The following ESRRG variants were observed in gnomAD, a reference collection of about 807,000 sequenced individuals.
The protein encoded by ESRRG is estrogen-related receptor gamma.
In ESRRG, 13 loss-of-function variants were observed where a neutral mutation model predicts 44.0. The ratio of observed to expected loss-of-function variants is 0.30; its 90% CI spans 0.19 to 0.47. The LOEUF (loss-of-function observed/expected upper bound fraction) is 0.47, where lower values mean the gene tolerates loss of function less well. ESRRG is among the 20% of genes least tolerant of loss of function. The pLI is 1.00. For missense variants in ESRRG, 395 were observed against 580.6 expected, an observed-to-expected ratio of 0.68 and a Z score of 3.29; for synonymous variants, 215 against 214.6, an observed-to-expected ratio of 1.00 and a Z score of -0.02.
At chr1:216,950,294 C>T (rs575002324) in intron 1 of ESRRG, among the ~76,000 whole-genome samples, 203 of 152,212 alleles carry the variant, frequency 1.3e-3, no homozygotes, top group African/African-American at 4.7e-3. Flanking sequence ...CTAATGAACT[C>T]AAAACTTAAT....
intron 2 of ESRRG, among the ~76,000 whole-genome samples, chr1:216,766,250 T>TAACTCCCTGCATTGGATATTTG (rs1206273402): frequency 6.6e-6 from 1 of 152,110 alleles, no homozygotes; most frequent in Non-Finnish European, 1.5e-5. Flanking sequence ...AAGATGAAGA[T>TAACTCCCTGCATTGGATATTTG]AACTCCCTGC....
At chr1:216,943,082 C>G (rs2149990897) in intron 1 of ESRRG, among the ~76,000 whole-genome samples, 1 of 152,244 alleles carries the variant, frequency 6.6e-6, no homozygotes, top group South Asian at 2.1e-4. Flanking sequence ...TAAGAACCAT[C>G]AAGTGCAGTT....
chr1:216,941,763 GA>G (rs1173991873), intron 1 of ESRRG, among the ~76,000 whole-genome samples: 4 of 152,096 alleles, frequency 2.6e-5, no homozygotes, highest in East Asian at 1.9e-4. Context: ...AGAATGGGGG[GA>G]AAAAGATTGT....
intron 1 of ESRRG, among the ~76,000 whole-genome samples, chr1:217,110,973 C>G (rs2102460534): frequency 6.6e-6 from 1 of 152,328 alleles, no homozygotes; most frequent in South Asian, 2.1e-4. Flanking sequence ...TAATTTCGTA[C>G]TGGTCAGCCC....
Position 216,535,920 on chromosome 1 carries a change from A to G in ESRRG, c.863-16499T>C, listed in dbSNP as rs540179149. Among the ~76,000 whole-genome samples, 4 of 152,100 alleles carry G rather than the reference A, an allele frequency of 2.6e-5. No homozygotes were observed. The South Asian group carries it at 8.3e-4, about 32-fold the overall frequency. On this transcript the variant is annotated intron_variant, in intron 5 of 6. Coordinates refer to ENST00000408911, the MANE Select transcript of ESRRG (RefSeq NM_001438.4). ...TTTGCACTAAATTCATCTCCATTCC[A>G]CTAAAGTCTGGATTGCATCTCAGCT...
chr1:216,665,404 C>T (rs989950592), intron 2 of ESRRG, among the ~76,000 whole-genome samples: 2 of 152,078 alleles, frequency 1.3e-5, no homozygotes, highest in African/African-American at 4.8e-5. Context: ...CATGAATGAA[C>T]TTTGATGATA....
intron 5 of ESRRG, among the ~76,000 whole-genome samples, chr1:216,550,926 G>A (rs923221010): frequency 6.6e-6 from 1 of 152,104 alleles, no homozygotes; most frequent in Non-Finnish European, 1.5e-5. Context: ...CTGGCTCTCA[G>A]TTTAGTCCAC....
chr1:216,782,459 A>T (rs1416878997), intron 2 of ESRRG, among the ~76,000 whole-genome samples: 3 of 152,098 alleles, frequency 2.0e-5, no homozygotes, highest in Admixed American at 6.6e-5. Flanking sequence ...GAGAAGATAG[A>T]GGACATTTTA....
chr1:216,911,417 C>T (rs1252068357), intron 2 of ESRRG, among the ~76,000 whole-genome samples: 1 of 152,140 alleles, frequency 6.6e-6, no homozygotes, highest in Non-Finnish European at 1.5e-5. Context: ...ATTAAAAGAT[C>T]ATTGACTGCC....
At chr1:216,540,588 G>A (rs2052404061) in intron 5 of ESRRG, among the ~76,000 whole-genome samples, 2 of 152,006 alleles carry the variant, frequency 1.3e-5, no homozygotes, top group East Asian at 1.9e-4. Flanking sequence ...ATAAATAAAT[G>A]TATTTACAAG....
chr1:216,759,811 C>T (rs2092671551), intron 2 of ESRRG, among the ~76,000 whole-genome samples: 1 of 152,088 alleles, frequency 6.6e-6, no homozygotes, highest in African/African-American at 2.4e-5. Context: ...TATCTCTCTG[C>T]TCTGGCTTTT....
chr1:216,565,019 A>G (rs1028626369), intron 4 of ESRRG, among the ~76,000 whole-genome samples: 14 of 152,258 alleles, frequency 9.2e-5, no homozygotes, highest in Non-Finnish European at 1.8e-4. Flanking sequence ...ATATGTTTCC[A>G]TAAAAATACT....
chr1:216,654,357 T>C (rs1425251836), intron 2 of ESRRG, among the ~76,000 whole-genome samples: 1 of 151,996 alleles, frequency 6.6e-6, no homozygotes, highest in Non-Finnish European at 1.5e-5. Context: ...CCAGGTGCGA[T>C]GGCTCACACC....
chr1:216,537,679 G>T (rs564879267), intron 5 of ESRRG, among the ~76,000 whole-genome samples: 1 of 152,044 alleles, frequency 6.6e-6, no homozygotes. Flanking sequence ...GATCTGATTT[G>T]TATTTTGAAA....
chr1:216,791,612 C>T (rs1211308975), intron 2 of ESRRG, among the ~76,000 whole-genome samples: 2 of 152,116 alleles, frequency 1.3e-5, no homozygotes, highest in Admixed American at 6.6e-5. Context: ...CATAGACCCT[C>T]CCACACTCAC....
intron 2 of ESRRG, among the ~76,000 whole-genome samples, chr1:216,805,665 C>T (rs543765330): frequency 6.6e-6 from 1 of 151,672 alleles, no homozygotes; most frequent in African/African-American, 2.4e-5. Context: ...ATTTGCCGTG[C>T]TCAAGTGTTA....
intron 2 of ESRRG, among the ~76,000 whole-genome samples, chr1:216,821,701 T>TAAAATA (rs975521934): frequency 1.2e-5 from 1 of 80,546 alleles, no homozygotes; most frequent in East Asian, 3.2e-4. Flanking sequence ...AATAAATAAA[T>TAAAATA]AAATAAATAA....
intron 1 of ESRRG, among the ~76,000 whole-genome samples, chr1:217,011,671 T>C (rs2078641552): frequency 6.6e-6 from 1 of 152,134 alleles, no homozygotes; most frequent in African/African-American, 2.4e-5. Context: ...AATGTCCACA[T>C]ATGCACAAAC....
At chr1:216,820,455 G>A (rs980487308) in intron 2 of ESRRG, among the ~76,000 whole-genome samples, 1 of 152,160 alleles carries the variant, frequency 6.6e-6, no homozygotes, top group Admixed American at 6.5e-5. Context: ...TTATGTCAGA[G>A]CAAACTCCTC....
Sources: gnomAD v4.1 joint callset for allele counts (sites outside exome capture counted in the v4.1 genomes callset) on GRCh38, gnomAD v4.1.1 for gene constraint, MANE v1.5 for transcripts, NCBI Gene and HGNC (gene_info 2026-07-23, HGNC 2026-07-21) for gene names.